The following SNX24 variants were observed in gnomAD, a reference collection of about 807,000 sequenced individuals.
SNX24 encodes the protein sorting nexin 24, also known as sorting nexin-24.
A neutral mutation model predicts 28.7 loss-of-function variants in SNX24; 22 were observed. The observed-to-expected ratio is 0.77, with a 90% CI of 0.55 to 1.10. The LOEUF is 1.10. Among genes scored for constraint, SNX24 ranks in the 50% least tolerant of loss-of-function variants. The probability of loss-of-function intolerance (pLI) is 0.00; values close to 1 mark genes in which losing one functional copy is unlikely to be tolerated. For missense variants in SNX24, 221 were observed against 201.1 expected, an observed-to-expected ratio of 1.10 and a Z score of -0.60; for synonymous variants, 69 against 71.5, an observed-to-expected ratio of 0.96 and a Z score of 0.18.
At chr5:123,010,114 A>T (rs920743232), downstream of SNX24, among the ~76,000 whole-genome samples, 14 of 152,150 alleles carry the variant, frequency 9.2e-5, no homozygotes, top group Non-Finnish European at 4.4e-5. Context: ...GCTTGCCAGC[A>T]ACCACAGCCC....
chr5:122,962,988 C>T (rs1760549774), intron 3 of SNX24, among the ~76,000 whole-genome samples: 1 of 152,092 alleles, frequency 6.6e-6, no homozygotes, highest in Non-Finnish European at 1.5e-5. Flanking sequence ...AATCCCAGCA[C>T]CTTGGGAGGC....
At chr5:123,019,796 CTATT>C (rs1340736901) in intron 5 of SNX24, among the ~76,000 whole-genome samples, 29 of 152,188 alleles carry the variant, frequency 1.9e-4, no homozygotes, top group Non-Finnish European at 3.4e-4. Context: ...AAACAGTGAA[CTATT>C]TATTTCAAAA....
At chr5:122,850,099 C>G (rs1040580256) in intron 1 of SNX24, among the ~76,000 whole-genome samples, 8 of 152,198 alleles carry the variant, frequency 5.3e-5, no homozygotes, top group Non-Finnish European at 1.2e-4. Flanking sequence ...ACATGATTAG[C>G]TTTGCATTTA....
intron 5 of SNX24, among the ~76,000 whole-genome samples, chr5:123,018,720 T>C (rs977671418): frequency 6.6e-6 from 1 of 151,828 alleles, no homozygotes; most frequent in Non-Finnish European, 1.5e-5. Flanking sequence ...AGAGTCTCGC[T>C]CTGTTGCCCA....
intron 3 of SNX24, among the ~76,000 whole-genome samples, chr5:122,988,435 G>A (rs181092098): frequency 6.6e-5 from 10 of 152,314 alleles, no homozygotes; most frequent in African/African-American, 2.2e-4. Flanking sequence ...AAAGATGTAT[G>A]TAGACATTTT....
chr5:122,855,521 T>G (rs1755146033), intron 1 of SNX24, among the ~76,000 whole-genome samples: 1 of 152,226 alleles, frequency 6.6e-6, no homozygotes, highest in Admixed American at 6.5e-5. Context: ...TGGCTCTAAC[T>G]TGTAATCCTA....
intron 3 of SNX24, among the ~76,000 whole-genome samples, chr5:122,980,221 CA>C (rs1761336568): frequency 6.6e-6 from 1 of 151,846 alleles, no homozygotes; most frequent in Admixed American, 6.6e-5. Context: ...ATATAAGTAA[CA>C]AAAAATTTAT....
chr5:122,853,193 C>G (rs1755010237), intron 1 of SNX24, among the ~76,000 whole-genome samples: 1 of 123,668 alleles, frequency 8.1e-6, no homozygotes, highest in Non-Finnish European at 1.6e-5. Context: ...GTGGCACGAT[C>G]TCGGCTCACT....
At chr5:122,905,468 A>T (rs535235008) in intron 1 of SNX24, among the ~76,000 whole-genome samples, 1 of 152,336 alleles carries the variant, frequency 6.6e-6, no homozygotes, top group Non-Finnish European at 1.5e-5. Flanking sequence ...CAAAAAATTT[A>T]TACAGGTTGA....
At chr5:123,004,442 C>T (rs1364141410) in intron 6 of SNX24, among the ~76,000 whole-genome samples, 1 of 152,108 alleles carries the variant, frequency 6.6e-6, no homozygotes, top group Non-Finnish European at 1.5e-5. Flanking sequence ...ACAGTGTCTC[C>T]CCTTGGCTTT....
intron 3 of SNX24, among the ~76,000 whole-genome samples, chr5:122,958,236 G>A (rs1208861968): frequency 7.5e-6 from 1 of 134,208 alleles, no homozygotes; most frequent in Admixed American, 8.1e-5. Flanking sequence ...TCATGAAAGG[G>A]TGTTGAATTT....
chr5:122,848,635 G>A (rs568209476), intron 1 of SNX24, among the ~76,000 whole-genome samples: 4 of 152,076 alleles, frequency 2.6e-5, no homozygotes, highest in Non-Finnish European at 5.9e-5. Context: ...CTTGAGCCCC[G>A]GAGGCGGAGG....
intron 3 of SNX24, among the ~76,000 whole-genome samples, chr5:122,977,239 G>A (rs1056803826): frequency 6.6e-6 from 1 of 152,080 alleles, no homozygotes; most frequent in East Asian, 1.9e-4. Flanking sequence ...TGTGGCTGTG[G>A]TCTTAAATGC....
intron 2 of SNX24, among the ~76,000 whole-genome samples, chr5:122,940,793 G>A (rs1460012549): frequency 6.6e-6 from 1 of 152,118 alleles, no homozygotes; most frequent in Non-Finnish European, 1.5e-5. Context: ...GGCTGGTCTC[G>A]AACTCTTGAC....
chr5:122,885,112 G>C (rs1756649213), intron 1 of SNX24, among the ~76,000 whole-genome samples: 1 of 152,142 alleles, frequency 6.6e-6, no homozygotes, highest in Non-Finnish European at 1.5e-5. Context: ...ATGGGGTTAG[G>C]GAAGCTTCCT....
At chr5:122,889,283 C>T (rs183116535) in intron 1 of SNX24, among the ~76,000 whole-genome samples, 2 of 152,216 alleles carry the variant, frequency 1.3e-5, no homozygotes, top group Admixed American at 1.3e-4. Context: ...TTATTTCCCC[C>T]TGCCCTTCTC....
chr5:122,980,633 T>A (rs908422094), intron 3 of SNX24, among the ~76,000 whole-genome samples: 5 of 151,458 alleles, frequency 3.3e-5, no homozygotes, highest in African/African-American at 1.2e-4. Flanking sequence ...AGAAGGAGTT[T>A]AAGGTGCAAG....
At chr5:122,903,132 C>A (rs181755155) in intron 1 of SNX24, among the ~76,000 whole-genome samples, 1 of 151,720 alleles carries the variant, frequency 6.6e-6, no homozygotes, top group South Asian at 2.1e-4. Context: ...TTTGATACAG[C>A]GTCTTAGTCT....
intron 1 of SNX24, among the ~76,000 whole-genome samples, chr5:122,867,257 CTTCA>C (rs1755762676): frequency 1.3e-5 from 2 of 152,320 alleles, no homozygotes; most frequent in African/African-American, 4.8e-5. Context: ...CATTGCCTCA[CTTCA>C]TTTGCTATGA....
Sources: allele counts gnomAD v4.1 joint callset (sites outside exome capture counted in the v4.1 genomes callset), GRCh38; gene constraint gnomAD v4.1.1; transcripts MANE v1.5; gene names NCBI Gene and HGNC (gene_info 2026-07-23, HGNC 2026-07-21).